The following DMTN variants were observed in gnomAD, a reference collection of about 807,000 sequenced individuals.
DMTN encodes the protein dematin actin binding protein, also known as dematin.
DMTN carries 27 observed loss-of-function variants against 59.4 expected under a neutral mutation model. That is an observed-to-expected ratio of 0.45 (90% CI 0.33 to 0.63). The LOEUF (loss-of-function observed/expected upper bound fraction) is 0.63. DMTN is among the 20% of genes least tolerant of loss of function. The pLI, the probability that DMTN is intolerant of heterozygous loss-of-function variation, is 0.02. For synonymous variants in DMTN, 221 were observed against 203.7 expected (o/e 1.08, Z -0.72); for missense variants, 451 against 528.9 (o/e 0.85, Z 1.45).
At chr8:22,050,960 T>C (rs370693883), upstream of DMTN, among the ~76,000 whole-genome samples, 1 of 152,172 alleles carries the variant, frequency 6.6e-6, no homozygotes, top group African/African-American at 2.4e-5. Flanking sequence ...GCCACAAGAA[T>C]AGATCCCTAA....
Position 22,072,376 on chromosome 8 carries a change from G to A in DMTN, c.655G>A (p.Glu219Lys). The A allele has an allele frequency of 6.2e-7, 1 of 1,604,100 alleles. No individual in the cohort carries two copies. Among genetic ancestry groups the A allele is most frequent in the Non-Finnish European group, 8.5e-7 (1 of 1,174,844 alleles). ...KASRRGAEEE[E>K]EEEDDDSGEE... is the part of the protein sequence containing the mutation. ...GTCTCGGAGGGGAGCAGAGGAAGAGGAGGAGGAGGAAGATGACGACTCTGG... is the reference window on the plus strand; with the variant it reads ...GTCTCGGAGGGGAGCAGAGGAAGAGAAGGAGGAGGAAGATGACGACTCTGG... Residue 219 changes from glutamate (E) to lysine (K), a missense_variant, in exon 9 of 16, where the codon GAG becomes AAG. Glu to Lys is a moderately conservative substitution (Grantham distance 56, BLOSUM62 1). Coordinates refer to ENST00000358242, the MANE Select transcript of DMTN (RefSeq NM_001387751.1).
intron 1 of DMTN, among the ~76,000 whole-genome samples, chr8:22,065,827 CTTTTTTTTTTTTTTTT>C (rs76626050): frequency 1.3e-5 from 1 of 74,592 alleles, no homozygotes. Context: ...AGAGCAAGAC[CTTTTTTTTTTTTTTTT>C]TTTTTTTTTT....
At chr8:22,064,710 G>A (rs898316379) in intron 1 of DMTN, among the ~76,000 whole-genome samples, 1 of 152,132 alleles carries the variant, frequency 6.6e-6, no homozygotes, top group African/African-American at 2.4e-5. Context: ...TGCCCGCCTT[G>A]GCCTCCCAAA....
chr8:22,072,590 C>T (rs1449254817), intron 9 of DMTN, 140 bp downstream of exon 9: 3 of 723,672 alleles, frequency 4.1e-6, no homozygotes, highest in Admixed American at 3.8e-5. Flanking sequence ...CAACCTCTTG[C>T]ATAGCTGGGA....
rs1005471632 is a variant in DMTN, at chr8:22,060,925, C to T, written c.-172+3789C>T. Among the ~76,000 whole-genome samples the T allele has an allele frequency of 6.6e-6, 1 of 152,110 alleles. No homozygotes were observed. Among genetic ancestry groups the T allele is most frequent in the South Asian group, 2.1e-4 (1 of 4,834 alleles). On this transcript the variant is annotated intron_variant, in intron 1 of 15. Coordinates refer to ENST00000358242, the MANE Select transcript of DMTN (RefSeq NM_001387751.1). The surrounding 1 kb of genome is among the most constrained non-coding windows in gnomAD (Gnocchi z 5.0). ...AAGTCTCAACTTCTTCATGTGCAAA[C>T]GAGGTACTCGCCAATCCAAGCCAAC...
intron 2 of DMTN, 34 bp from the exon 3 acceptor site, chr8:22,067,051 C>G: frequency 2.5e-6 from 4 of 1,572,584 alleles, no homozygotes; most frequent in Non-Finnish European, 2.6e-6. Flanking sequence ...CACACACGCA[C>G]GTGCCCACCC....
intron 1 of DMTN, among the ~76,000 whole-genome samples, chr8:22,066,213 T>G (rs1810485461): frequency 6.6e-6 from 1 of 152,228 alleles, no homozygotes; most frequent in East Asian, 1.9e-4. Context: ...GTGTGGAATT[T>G]CCACCTGTGC....
upstream of DMTN, chr8:22,055,694 C>CTCCCTTCT (rs1384912768): frequency 6.5e-6 from 1 of 152,782 alleles, no homozygotes; most frequent in Admixed American, 6.6e-5. Flanking sequence ...TGTGTTCTGT[C>CTCCCTTCT]TCCCTTCTCA....
intron 1 of DMTN, among the ~76,000 whole-genome samples, chr8:22,057,548 A>C (rs1563388790): frequency 6.6e-6 from 1 of 152,062 alleles, no homozygotes. Context: ...GGAGCAGTAC[A>C]TTTAGGGGCC....
At chr8:22,072,512 T>A in intron 9 of DMTN, 62 bp downstream of exon 9, 1 of 1,460,016 alleles carries the variant, frequency 6.8e-7, no homozygotes, top group South Asian at 1.3e-5. Context: ...TTGCCCAGGC[T>A]GGCATGCAGT....
chr8:22,058,762 G>A lies in DMTN; in HGVS notation c.-172+1626G>A, dbSNP rs143208801. 5.5e-4 allele frequency among the ~76,000 whole-genome samples: 84 copies of A among 152,328 alleles called. No individual in the cohort carries two copies. The highest frequency in any genetic ancestry group is 1.9e-3 in the African/African-American group (78 of 41,580). On this transcript the variant is annotated intron_variant, in intron 1 of 15. Transcript: ENST00000358242. The surrounding 1 kb of genome is among the most constrained non-coding windows in gnomAD (Gnocchi z 4.3). ...AGACACAACGGTAAAAAACATTGGA[G>A]TAGGGGAGAGGGAGAAAGTGGGAGA...
In DMTN at chr8:22,058,655, CCCCA is replaced by C. The variant is rs1049686811; in HGVS notation, c.-172+1528_-172+1531del. 8.5e-4 allele frequency among the ~76,000 whole-genome samples: 129 copies of C among 152,228 alleles called. No homozygotes were observed. The highest frequency in any genetic ancestry group is 2.9e-3 in the African/African-American group (122 of 41,536). ...GCCTTGAGCAGGGGGACTCTGGGCTCCCCACCCACCCAGGCCTGGTCCTTTATCC... is the reference window on the plus strand; with the variant it reads ...GCCTTGAGCAGGGGGACTCTGGGCTCCCCACCCAGGCCTGGTCCTTTATCC... On this transcript the variant is annotated intron_variant, in intron 1 of 15. Transcript: ENST00000358242. The surrounding 1 kb of genome is among the most constrained non-coding windows in gnomAD (Gnocchi z 4.3).
At chr8:22,063,963 G>T (rs1156855783) in intron 1 of DMTN, among the ~76,000 whole-genome samples, 1 of 152,160 alleles carries the variant, frequency 6.6e-6, no homozygotes, top group Non-Finnish European at 1.5e-5. Flanking sequence ...TGTGTTCATT[G>T]CAGAATAGGT....
chr8:22,073,825 C>T lies in DMTN; in HGVS notation c.825C>T (p.Pro275=), dbSNP rs1335756464. The T allele has an allele frequency of 1.9e-6, 3 of 1,613,938 alleles. No individual in the cohort carries two copies. The highest frequency in any genetic ancestry group is 2.2e-5 in the East Asian group (1 of 44,874). ...RKTRSLPDRT[P]FHTSLHQGTS... Reference sequence around the variant, plus strand: ...CCCGCTCTCTGCCTGACCGGACACCCTTCCATACCTGTGAGTGCTGTGGAG... The same window carrying T: ...CCCGCTCTCTGCCTGACCGGACACCTTTCCATACCTGTGAGTGCTGTGGAG... The change falls in exon 10 of 16, where the codon CCC becomes CCT. Residue 275 remains proline, a synonymous_variant. Transcript: ENST00000358242.
intron 9 of DMTN, among the ~76,000 whole-genome samples, chr8:22,072,951 G>A (rs1166019168): frequency 6.6e-6 from 1 of 152,182 alleles, no homozygotes; most frequent in Admixed American, 6.5e-5. Flanking sequence ...GACACTACTT[G>A]ATATAAGGGT....
At chr8:22,076,416 G>A (rs945739677) in intron 10 of DMTN, among the ~76,000 whole-genome samples, 2 of 152,042 alleles carry the variant, frequency 1.3e-5, no homozygotes, top group African/African-American at 4.8e-5. Flanking sequence ...ATCAGTCTGG[G>A]CAACGTAGTG....
At chr8:22,062,832 A>G (rs1302212724) in intron 1 of DMTN, among the ~76,000 whole-genome samples, 2 of 151,536 alleles carry the variant, frequency 1.3e-5, no homozygotes, top group South Asian at 2.1e-4. Flanking sequence ...CTTTCTCTCA[A>G]TATGTTTTGC....
At chr8:22,069,614 T>TGCTC in intron 6 of DMTN, 96 bp downstream of exon 6, 1 of 1,144,618 alleles carries the variant, frequency 8.7e-7, no homozygotes, top group South Asian at 1.5e-5. Flanking sequence ...CTGGGGTATA[T>TGCTC]GCTCGCCTCA....
rs1811317131 is a variant in DMTN at position 22,067,080 on chromosome 8, C to G, written c.19-5C>G. The G allele has an allele frequency of 4.4e-6, 7 of 1,601,802 alleles. No homozygotes were observed. Among genetic ancestry groups the G allele is most frequent in the African/African-American group, 1.4e-5 (1 of 73,838 alleles). ...CCCACCCGCCCGCCTTCTCGCTCTC[C>G]CCAGCAACCACTTACCTCCCCCGGG... On this transcript the variant is annotated splice_region_variant and splice_polypyrimidine_tract_variant and intron_variant, in intron 2 of 15. Transcript: ENST00000358242.
Sources: allele counts gnomAD v4.1 joint callset (sites outside exome capture counted in the v4.1 genomes callset), GRCh38; gene constraint gnomAD v4.1.1; non-coding constraint Gnocchi (gnomAD v3.1); transcripts MANE v1.5; gene names NCBI Gene and HGNC (gene_info 2026-07-23, HGNC 2026-07-21).